ANO3: variants seen among roughly 807,000 people sequenced by gnomAD.
ANO3 encodes the protein anoctamin-3.
In ANO3, 99 loss-of-function variants were observed where a neutral mutation model predicts 144.8. The observed-to-expected ratio is 0.68, with a 90% CI of 0.58 to 0.81. The LOEUF is 0.81. ANO3 is among the 30% of genes least tolerant of loss of function. The probability of loss-of-function intolerance (pLI) is 0.00; values close to 1 mark genes in which losing one functional copy is unlikely to be tolerated. For missense variants in ANO3, 905 were observed against 1,202.2 expected, an observed-to-expected ratio of 0.75 and a Z score of 3.66; for synonymous variants, 414 against 392.6, an observed-to-expected ratio of 1.05 and a Z score of -0.64.
At chr11:26,566,764 GA>G (rs1850603160) in intron 14 of ANO3, among the ~76,000 whole-genome samples, 2 of 151,198 alleles carry the variant, frequency 1.3e-5, no homozygotes, top group Non-Finnish European at 3.0e-5. Context: ...GGTGATATAG[GA>G]AAATGTTTTG....
At chr11:26,471,137 G>A (rs946777733) in intron 4 of ANO3, among the ~76,000 whole-genome samples, 2 of 151,866 alleles carry the variant, frequency 1.3e-5, no homozygotes, top group African/African-American at 4.8e-5. Flanking sequence ...AGAAAATAAG[G>A]AATTAACAGA....
chr11:26,508,847 A>C (rs1861537064), intron 5 of ANO3: 1 of 151,950 alleles, frequency 6.6e-6, no homozygotes, highest in Non-Finnish European at 1.5e-5. Context: ...TATTAATCGC[A>C]TTACAGAAAG....
chr11:26,331,574 C>T (rs7117246), upstream of ANO3: 53,090 of 151,864 alleles, frequency 0.35, 10,986 homozygotes, highest in Admixed American at 0.5. Context: ...GTTTTTTCAG[C>T]CCCTGTGACT....
intron 26 of ANO3, among the ~76,000 whole-genome samples, chr11:26,658,985 C>A (rs1300651367): frequency 6.6e-6 from 1 of 151,814 alleles, no homozygotes; most frequent in Non-Finnish European, 1.5e-5. Context: ...ATTGAAATAT[C>A]TACTCTTCTT....
intron 1 of ANO3, among the ~76,000 whole-genome samples, chr11:26,244,891 C>T (rs1379993574): frequency 1.3e-5 from 2 of 151,480 alleles, no homozygotes; most frequent in African/African-American, 4.9e-5. Context: ...TTGTTAATTC[C>T]AGGCACACTC....
intron 1 of ANO3, among the ~76,000 whole-genome samples, chr11:26,355,041 C>G (rs914878616): frequency 6.6e-6 from 1 of 151,578 alleles, no homozygotes; most frequent in Non-Finnish European, 1.5e-5. Flanking sequence ...GAAGATGCCC[C>G]TTCATCTTAT....
At chr11:26,436,962 A>G (rs949009711) in intron 1 of ANO3, among the ~76,000 whole-genome samples, 2 of 151,638 alleles carry the variant, frequency 1.3e-5, no homozygotes, top group African/African-American at 4.9e-5. Context: ...GTCCCTAATC[A>G]CCTTGGATTC....
At position 26,487,836 on chromosome 11, in the gene ANO3, G is replaced by C. The variant is rs145308110; in HGVS notation, c.433-20268G>C. 6.1e-3 allele frequency among the ~76,000 whole-genome samples: 923 copies of C among 152,250 alleles called. 10 individuals carry two copies. Among genetic ancestry groups the C allele is most frequent in the African/African-American group, 0.02 (851 of 41,552 alleles). ...TGGTGGAAGAAACGGATTCTAAGCA[G>C]CAAAGCATTCAAAAGGTGATTTAGG... On this transcript the variant is annotated intron_variant, in intron 4 of 26. Coordinates refer to ENST00000256737, the MANE Select transcript of ANO3 (RefSeq NM_031418.4).
chr11:26,629,717 C>T lies in ANO3; in HGVS notation c.1874-4487C>T, dbSNP rs187283747. On this transcript the variant is annotated intron_variant, in intron 18 of 26. Coordinates refer to ENST00000256737, the MANE Select transcript of ANO3 (RefSeq NM_031418.4). ...TGCAATCTCGACTCACCGCAACCTC[C>T]GCCTCTCAGGTTCAAGCAGTCCTCT... Among the ~76,000 whole-genome samples the T allele has an allele frequency of 9.1e-4, 139 of 152,200 alleles. 1 individual carries two copies. Among genetic ancestry groups the T allele is most frequent in the Non-Finnish European group, 1.5e-3 (100 of 68,000 alleles).
intron 3 of ANO3, among the ~76,000 whole-genome samples, chr11:26,458,950 T>C (rs553807239): frequency 1.3e-5 from 2 of 152,202 alleles, no homozygotes; most frequent in East Asian, 3.9e-4. Flanking sequence ...TAATAAAGCA[T>C]TGCGAGCAGA....
At chr11:26,349,874 G>C (rs1436158740) in intron 1 of ANO3, among the ~76,000 whole-genome samples, 1 of 152,154 alleles carries the variant, frequency 6.6e-6, no homozygotes, top group Non-Finnish European at 1.5e-5. Context: ...GAGCTAATGA[G>C]CCAGAGAAGA....
intron 1 of ANO3, among the ~76,000 whole-genome samples, chr11:26,419,306 G>A (rs1590343602): frequency 6.6e-6 from 1 of 152,100 alleles, no homozygotes; most frequent in Non-Finnish European, 1.5e-5. Context: ...GGAGATTTGG[G>A]TAGGACGCAG....
chr11:26,290,919 A>G (rs1271349604), intron 1 of ANO3, among the ~76,000 whole-genome samples: 2 of 152,212 alleles, frequency 1.3e-5, no homozygotes, highest in East Asian at 1.9e-4. Flanking sequence ...GTAGATGTCT[A>G]TTAGGTCCAC....
At chr11:26,559,677 A>G (rs1435603033) in intron 13 of ANO3, 42 bp from the exon 14 acceptor site, 1 of 1,440,180 alleles carries the variant, frequency 6.9e-7, no homozygotes. Context: ...GCTTATTATA[A>G]TCAATTTGCA....
chr11:26,385,481 C>A (rs557272231), intron 1 of ANO3, among the ~76,000 whole-genome samples: 1 of 152,198 alleles, frequency 6.6e-6, no homozygotes, highest in Admixed American at 6.5e-5. Context: ...GGAAAAAAAT[C>A]TTTTTTCTTG....
In ANO3 at chr11:26,234,019, G is replaced by C. The variant is rs188188585; in HGVS notation, c.154+44689G>C. 1.4e-3 allele frequency among the ~76,000 whole-genome samples: 220 copies of C among 152,162 alleles called. 1 individual carries two copies. Among genetic ancestry groups the C allele is most frequent in the Non-Finnish European group, 2.6e-3 (178 of 67,990 alleles). ...CGGGGGGCTGAAAACCTAGATGACA[G>C]GTTGATAGGTGCAGCAAACCACCAT... is the stretch of plus-strand genomic sequence containing the variant. On this transcript the variant is annotated intron_variant, in intron 1 of 27. Transcript: ENST00000672621.
At chr11:26,414,182 C>T (rs1178982568) in intron 1 of ANO3, among the ~76,000 whole-genome samples, 2 of 151,986 alleles carry the variant, frequency 1.3e-5, no homozygotes, top group East Asian at 1.9e-4. Flanking sequence ...GATGGTGTGG[C>T]GATTTCTCAA....
At chr11:26,436,789 T>C (rs1858311769) in intron 1 of ANO3, among the ~76,000 whole-genome samples, 1 of 151,980 alleles carries the variant, frequency 6.6e-6, no homozygotes, top group South Asian at 2.1e-4. Flanking sequence ...AGTCCTCCCC[T>C]CTCTCTGGGA....
At chr11:26,275,883 T>TA (rs1277673921) in intron 1 of ANO3, among the ~76,000 whole-genome samples, 1 of 152,192 alleles carries the variant, frequency 6.6e-6, no homozygotes, top group African/African-American at 2.4e-5. Flanking sequence ...AATTCTCGTT[T>TA]GGTTGCTTTC....
Sources: allele counts gnomAD v4.1 joint callset (sites outside exome capture counted in the v4.1 genomes callset), GRCh38; gene constraint gnomAD v4.1.1; transcripts MANE v1.5; gene names NCBI Gene and HGNC (gene_info 2026-07-23, HGNC 2026-07-21).